DLG2: variants seen among roughly 807,000 people sequenced by gnomAD.
The protein encoded by DLG2 is disks large homolog 2.
Under a neutral mutation model 132.5 loss-of-function variants are expected in DLG2, and 45 were observed. The observed-to-expected ratio is 0.34, with a 90% CI of 0.27 to 0.44. The LOEUF (loss-of-function observed/expected upper bound fraction) is 0.44, where lower values mean the gene tolerates loss of function less well. Among genes scored for constraint, DLG2 ranks in the 20% least tolerant of loss-of-function variants. DLG2 has a pLI of 1.00. For missense variants in DLG2, 1,045 were observed against 1,196.9 expected, an observed-to-expected ratio of 0.87 and a Z score of 1.87; for synonymous variants, 424 against 419.6, an observed-to-expected ratio of 1.01 and a Z score of -0.13.
At chr11:84,093,392 T>A (rs1166036684) in intron 10 of DLG2, among the ~76,000 whole-genome samples, 1 of 152,172 alleles carries the variant, frequency 6.6e-6, no homozygotes, top group Non-Finnish European at 1.5e-5. Flanking sequence ...TCATTTTCAA[T>A]CCAGCAACAA....
chr11:85,446,541 C>T (rs1164652695), intron 3 of DLG2, among the ~76,000 whole-genome samples: 1 of 152,108 alleles, frequency 6.6e-6, no homozygotes, highest in Admixed American at 6.5e-5. Context: ...TAGTAAATAT[C>T]GATCAGGTAA....
At chr11:85,381,475 A>G (rs916279068) in intron 3 of DLG2, among the ~76,000 whole-genome samples, 5 of 152,132 alleles carry the variant, frequency 3.3e-5, no homozygotes, top group African/African-American at 1.2e-4. Flanking sequence ...TTTCTTTCCA[A>G]AATTATACTG....
At chr11:84,252,264 T>C (rs2097394797) in intron 7 of DLG2, among the ~76,000 whole-genome samples, 1 of 149,400 alleles carries the variant, frequency 6.7e-6, no homozygotes, top group Non-Finnish European at 1.5e-5. Flanking sequence ...GATTCTTCTG[T>C]CTCATCCTCC....
At chr11:84,896,944 C>T (rs1382688168) in intron 6 of DLG2, among the ~76,000 whole-genome samples, 1 of 151,204 alleles carries the variant, frequency 6.6e-6, no homozygotes, top group Non-Finnish European at 1.5e-5. Context: ...TTGAGCATAT[C>T]CCCTGTGGCT....
intron 8 of DLG2, among the ~76,000 whole-genome samples, chr11:84,179,223 G>C (rs1271434806): frequency 6.6e-6 from 1 of 152,234 alleles, no homozygotes; most frequent in East Asian, 1.9e-4. Flanking sequence ...AAATTTGCTA[G>C]AGTTTGGGGC....
At chr11:85,210,555 T>C (rs538067984) in intron 4 of DLG2, among the ~76,000 whole-genome samples, 1 of 152,248 alleles carries the variant, frequency 6.6e-6, no homozygotes, top group East Asian at 1.9e-4. Flanking sequence ...TTTTCCTTTA[T>C]AACCGTGGCA....
intron 7 of DLG2, among the ~76,000 whole-genome samples, chr11:84,460,240 A>G (rs567010115): frequency 6.6e-6 from 1 of 150,800 alleles, no homozygotes; most frequent in East Asian, 1.9e-4. Context: ...TCAATTGACT[A>G]TTGCGTTGTG....
intron 19 of DLG2, among the ~76,000 whole-genome samples, chr11:83,625,155 G>C (rs1167345065): frequency 6.6e-6 from 1 of 152,206 alleles, no homozygotes; most frequent in Non-Finnish European, 1.5e-5. Context: ...ACTGGGCAGG[G>C]GGGTGCACAC....
rs1255130982 is a variant in DLG2 at position 83,633,270 on chromosome 11, G to A, written c.1881C>T (p.His627=). 1 of 1,613,716 alleles carries A rather than the reference G, an allele frequency of 6.2e-7. No individual in the cohort carries two copies. The highest frequency in any genetic ancestry group is 2.2e-5 in the East Asian group (1 of 44,850). Residue 627 remains histidine (H), a synonymous_variant, in exon 19 of 28, where the codon CAC becomes CAT. Coordinates refer to ENST00000376104, the MANE Select transcript of DLG2 (RefSeq NM_001142699.3). Reference sequence around the variant, plus strand: ...GGGATCCGGACCCGGAGCTCATGCTGTGGTTCATCATCTGCTCTCGTAGGT... The same window carrying A: ...GGGATCCGGACCCGGAGCTCATGCTATGGTTCATCATCTGCTCTCGTAGGT... ...IHDLREQMMN[H]SMSSGSGSLR...
intron 6 of DLG2, among the ~76,000 whole-genome samples, chr11:84,923,804 T>A (rs1046232838): frequency 2.0e-5 from 3 of 152,150 alleles, no homozygotes; most frequent in Non-Finnish European, 1.5e-5. Flanking sequence ...GATCTGTGGT[T>A]AAAGGACTGA....
chr11:83,523,427 G>C (rs745426543), intron 21 of DLG2, among the ~76,000 whole-genome samples: 56 of 152,076 alleles, frequency 3.7e-4, no homozygotes, highest in Admixed American at 5.9e-4. Context: ...CTAACATCTG[G>C]AATTAGTTCA....
intron 4 of DLG2, among the ~76,000 whole-genome samples, chr11:85,225,508 C>T (rs889999695): frequency 1.3e-5 from 2 of 151,894 alleles, no homozygotes; most frequent in Non-Finnish European, 2.9e-5. Flanking sequence ...GTAGCTATCC[C>T]TCTTTCTTTC....
At chr11:84,551,841 G>A (rs900347174) in intron 6 of DLG2, among the ~76,000 whole-genome samples, 4 of 152,110 alleles carry the variant, frequency 2.6e-5, no homozygotes, top group Non-Finnish European at 5.9e-5. Context: ...AATGCAATTG[G>A]GAGAAAGTAT....
At chr11:85,068,724 G>A (rs931028671) in intron 6 of DLG2, among the ~76,000 whole-genome samples, 22 of 152,054 alleles carry the variant, frequency 1.4e-4, no homozygotes, top group Admixed American at 1.2e-3. Flanking sequence ...TGGCCATACA[G>A]CCCAAGGAAA....
At chr11:84,264,257 A>G (rs1010681716) in intron 7 of DLG2, among the ~76,000 whole-genome samples, 3 of 152,182 alleles carry the variant, frequency 2.0e-5, no homozygotes, top group African/African-American at 4.8e-5. Context: ...AAGAGCCTAC[A>G]AATCTCTGGA....
chr11:85,408,010 CAA>C (rs569004759), intron 3 of DLG2, among the ~76,000 whole-genome samples: 1 of 140,106 alleles, frequency 7.1e-6, no homozygotes. Flanking sequence ...TATATCTAGA[CAA>C]AAAAAAAAGA....
chr11:84,859,018 G>A (rs755968720), intron 6 of DLG2, among the ~76,000 whole-genome samples: 6 of 151,780 alleles, frequency 4.0e-5, no homozygotes, highest in African/African-American at 9.7e-5. Flanking sequence ...CTTTTTATAC[G>A]CTTCATCTTT....
chr11:83,812,737 G>T (rs2047679051), intron 17 of DLG2, among the ~76,000 whole-genome samples: 1 of 152,138 alleles, frequency 6.6e-6, no homozygotes, highest in Admixed American at 6.6e-5. Flanking sequence ...CTGAAGGACA[G>T]ACAAGAAAGA....
intron 19 of DLG2, among the ~76,000 whole-genome samples, chr11:83,581,348 A>G (rs1382781039): frequency 2.0e-5 from 3 of 152,200 alleles, no homozygotes; most frequent in Non-Finnish European, 4.4e-5. Context: ...CTTCTCTGGA[A>G]AGTCTCAGAT....
Sources: allele counts gnomAD v4.1 joint callset (sites outside exome capture counted in the v4.1 genomes callset), GRCh38; gene constraint gnomAD v4.1.1; transcripts MANE v1.5; gene names NCBI Gene and HGNC (gene_info 2026-07-23, HGNC 2026-07-21).